Variants in CLDN14 observed in about 807,000 individuals in gnomAD.
CLDN14 encodes claudin 14.
In CLDN14, 2 loss-of-function variants were observed where a neutral mutation model predicts 2.1. That is an observed-to-expected ratio of 0.96 (90% CI 0.39 to 3.01). The LOEUF is 3.01. Among genes scored for constraint, CLDN14 ranks in the 30% most tolerant of loss-of-function variants. CLDN14 has a pLI of 0.09. For missense variants in CLDN14, 298 were observed against 328.0 expected (o/e 0.91, Z 0.71); for synonymous variants, 136 against 154.4 (o/e 0.88, Z 0.88).
rs191158701 is a variant in CLDN14 at position 36,562,312 on chromosome 21, G to A, written c.-220+14099C>T. Among the ~76,000 whole-genome samples, 263 of 152,238 alleles carry A rather than the reference G, an allele frequency of 1.7e-3. 1 individual carries two copies. The highest frequency in any genetic ancestry group is 5.8e-3 in the African/African-American group (243 of 41,546). On this transcript the variant is annotated intron_variant, in intron 1 of 2. Coordinates refer to the CLDN14 transcript ENST00000342108. ...ATCTCAGACCCTCTTTGGCAGATTTGAGTCACCAGGAGGGACCCAAGGGCA... is the reference window on the plus strand; with the variant it reads ...ATCTCAGACCCTCTTTGGCAGATTTAAGTCACCAGGAGGGACCCAAGGGCA...
chr21:36,502,525 A>G (rs552436210), intron 2 of CLDN14, among the ~76,000 whole-genome samples: 1 of 152,352 alleles, frequency 6.6e-6, no homozygotes, highest in Non-Finnish European at 1.5e-5. Flanking sequence ...ATCACTTGAG[A>G]GGCTTCATGT....
chr21:36,547,340 G>A (rs1209393608), intron 1 of CLDN14, among the ~76,000 whole-genome samples: 1 of 152,118 alleles, frequency 6.6e-6, no homozygotes, highest in African/African-American at 2.4e-5. Flanking sequence ...ATGCATGCAG[G>A]TCTTACCTAC....
intron 1 of CLDN14, among the ~76,000 whole-genome samples, chr21:36,521,106 A>G (rs984278656): frequency 2.6e-5 from 4 of 152,174 alleles, no homozygotes; most frequent in African/African-American, 9.7e-5. Context: ...TATTTTTTGG[A>G]TAGGCATTGA....
chr21:36,504,763 G>C (rs1568862330), intron 2 of CLDN14, among the ~76,000 whole-genome samples: 1 of 152,226 alleles, frequency 6.6e-6, no homozygotes, highest in Admixed American at 6.5e-5. Context: ...CTGATAGGAA[G>C]GCTGATGTTG....
intron 1 of CLDN14, among the ~76,000 whole-genome samples, chr21:36,539,571 TGCA>T (rs2087465019): frequency 6.9e-6 from 1 of 145,594 alleles, no homozygotes; most frequent in Admixed American, 6.8e-5. Context: ...AGTGAGTGTG[TGCA>T]GTTTGTGTGG....
intron 1 of CLDN14, among the ~76,000 whole-genome samples, chr21:36,524,684 C>A (rs1683872463): frequency 6.6e-6 from 1 of 152,198 alleles, no homozygotes; most frequent in Admixed American, 6.5e-5. Context: ...AGTGCTGCCA[C>A]CTGATATTCC....
At chr21:36,478,971 T>G (rs1035693086) in intron 1 of CLDN14, among the ~76,000 whole-genome samples, 3 of 152,058 alleles carry the variant, frequency 2.0e-5, no homozygotes, top group African/African-American at 7.3e-5. Context: ...GATCTATCAC[T>G]TCCCCCCCTC....
intron 1 of CLDN14, among the ~76,000 whole-genome samples, chr21:36,476,759 A>T (rs1024690433): frequency 4.6e-4 from 70 of 152,216 alleles, no homozygotes; most frequent in African/African-American, 1.7e-3. Flanking sequence ...CCCATGGATG[A>T]CCTTTGAAAA....
intron 2 of CLDN14, among the ~76,000 whole-genome samples, chr21:36,485,488 C>T (rs1009415608): frequency 2.6e-5 from 4 of 152,194 alleles, no homozygotes; most frequent in Non-Finnish European, 4.4e-5. Flanking sequence ...ATATTACAGG[C>T]GTGAGCCACT....
At chr21:36,510,069 C>T (rs1008903603) in intron 2 of CLDN14, among the ~76,000 whole-genome samples, 6 of 152,194 alleles carry the variant, frequency 3.9e-5, no homozygotes, top group African/African-American at 1.4e-4. Context: ...TCCCACGGCC[C>T]AGTTATGTCC....
chr21:36,519,220 C>G (rs544944320), intron 1 of CLDN14, among the ~76,000 whole-genome samples: 1 of 152,232 alleles, frequency 6.6e-6, no homozygotes, highest in African/African-American at 2.4e-5. Context: ...TTATTACGCT[C>G]TCATTGTAAG....
chr21:36,535,806 A>T (rs980224460), intron 1 of CLDN14, among the ~76,000 whole-genome samples: 31 of 152,358 alleles, frequency 2.0e-4, no homozygotes, highest in Admixed American at 1.2e-3. Flanking sequence ...CTCAAAGCAC[A>T]TGAATTTTGT....
rs2087068593 is a variant in CLDN14, at chr21:36,499,106, TAG to T, written c.-82+11255_-82+11256del. Among the ~76,000 whole-genome samples, 2 of 151,070 alleles carry T rather than the reference TAG, an allele frequency of 1.3e-5. No individual in the cohort carries two copies. Among genetic ancestry groups the T allele is most frequent in the Admixed American group, 6.6e-5 (1 of 15,148 alleles). ...TTAGGAAATTTCATTGAAGGAGGAG[TAG>T]AGAGATGATATCATTGACCACAGGA... On this transcript the variant is annotated intron_variant, in intron 2 of 2. Transcript: ENST00000342108. The surrounding 1 kb of genome is among the most constrained non-coding windows in gnomAD (Gnocchi z 4.7).
intron 1 of CLDN14, among the ~76,000 whole-genome samples, chr21:36,530,353 G>T (rs1452606249): frequency 6.6e-6 from 1 of 152,238 alleles, no homozygotes; most frequent in Non-Finnish European, 1.5e-5. Context: ...ACAGAGATCC[G>T]GGCCACATGC....
intron 2 of CLDN14, chr21:36,486,661 C>T (rs2086900568): frequency 1.4e-6 from 2 of 1,436,806 alleles, no homozygotes; most frequent in South Asian, 2.3e-5. Flanking sequence ...CTCTGTTCAC[C>T]TCCTCTTCCC....
intron 1 of CLDN14, among the ~76,000 whole-genome samples, chr21:36,554,695 A>G (rs1285482468): frequency 1.3e-5 from 2 of 152,250 alleles, no homozygotes; most frequent in South Asian, 2.1e-4. Flanking sequence ...AAGGGTTGCC[A>G]GCAGTACAGG....
At chr21:36,465,705 G>T (rs543784415) in intron 1 of CLDN14, among the ~76,000 whole-genome samples, 14 of 152,346 alleles carry the variant, frequency 9.2e-5, no homozygotes, top group African/African-American at 3.1e-4. Context: ...AGGGGGAGCA[G>T]CCCATGCAGG....
chr21:36,486,778 G>T, intron 2 of CLDN14: 1 of 802,280 alleles, frequency 1.2e-6, no homozygotes, highest in Non-Finnish European at 2.2e-6. Flanking sequence ...AATGATATGC[G>T]TCTTGTGATT....
At chr21:36,486,237 C>T in intron 2 of CLDN14, 1 of 860,820 alleles carries the variant, frequency 1.2e-6, no homozygotes, top group Non-Finnish European at 2.0e-6. Context: ...CCTGCAGGGA[C>T]ATCTTCATGA....
Sources: gnomAD v4.1 joint callset for allele counts (sites outside exome capture counted in the v4.1 genomes callset) on GRCh38, gnomAD v4.1.1 for gene constraint, Gnocchi (gnomAD v3.1) non-coding constraint, MANE v1.5 for transcripts, NCBI Gene and HGNC (gene_info 2026-07-23, HGNC 2026-07-21) for gene names.